The following ZRANB3 variants were observed in gnomAD, a reference collection of about 807,000 sequenced individuals.
The protein encoded by ZRANB3 is DNA annealing helicase and endonuclease ZRANB3.
In ZRANB3, 125 loss-of-function variants were observed where a neutral mutation model predicts 133.8. The observed-to-expected ratio is 0.93, with a 90% CI of 0.81 to 1.08. ZRANB3 has a LOEUF of 1.08. Among genes scored for constraint, ZRANB3 ranks in the 50% least tolerant of loss-of-function variants. The pLI, the probability that ZRANB3 is intolerant of heterozygous loss-of-function variation, is 0.00. For missense variants in ZRANB3, 1,229 were observed against 1,275.5 expected (o/e 0.96, Z 0.56); for synonymous variants, 387 against 432.7 (o/e 0.89, Z 1.31).
At chr2:135,446,461 A>T (rs1448456938) in intron 2 of ZRANB3, among the ~76,000 whole-genome samples, 1 of 152,212 alleles carries the variant, frequency 6.6e-6, no homozygotes, top group Non-Finnish European at 1.5e-5. Context: ...AATAGTTGTC[A>T]TGGAGAATGA....
intron 8 of ZRANB3, among the ~76,000 whole-genome samples, chr2:135,289,847 G>GA (rs1681596827): frequency 6.6e-6 from 1 of 152,184 alleles, no homozygotes; most frequent in South Asian, 2.1e-4. Context: ...AGGTTGTGGT[G>GA]AGTCAAGACT....
intron 3 of ZRANB3, among the ~76,000 whole-genome samples, chr2:135,380,321 C>T (rs1269596889): frequency 6.6e-6 from 1 of 152,188 alleles, no homozygotes; most frequent in African/African-American, 2.4e-5. Flanking sequence ...ACCTAATAGA[C>T]ATCTACAGAA....
intron 12 of ZRANB3, among the ~76,000 whole-genome samples, chr2:135,255,721 A>G (rs1358960711): frequency 6.6e-6 from 1 of 151,368 alleles, no homozygotes; most frequent in Non-Finnish European, 1.5e-5. Flanking sequence ...TGGTGGCATG[A>G]TGATAGTCCT....
chr2:135,224,304 T>C (rs1310340197), intron 15 of ZRANB3, 122 bp downstream of exon 15: 1 of 757,908 alleles, frequency 1.3e-6, no homozygotes. Context: ...ATTTGAGAAT[T>C]AGCTTTGAGG....
chr2:135,234,002 T>C (rs577777958), intron 12 of ZRANB3, among the ~76,000 whole-genome samples: 9 of 152,224 alleles, frequency 5.9e-5, no homozygotes, highest in South Asian at 2.1e-4. Flanking sequence ...GACTGGCAAA[T>C]TGGATAAAGA....
At chr2:135,237,097 A>T (rs1695322803) in intron 12 of ZRANB3, among the ~76,000 whole-genome samples, 1 of 152,238 alleles carries the variant, frequency 6.6e-6, no homozygotes, top group Non-Finnish European at 1.5e-5. Context: ...TTTACAAGAA[A>T]AAAACAAACA....
intron 6 of ZRANB3, among the ~76,000 whole-genome samples, chr2:135,338,142 G>A (rs927110148): frequency 3.3e-5 from 5 of 152,132 alleles, no homozygotes; most frequent in African/African-American, 1.2e-4. Context: ...GATGAATGAT[G>A]TTATTCATGT....
intron 3 of ZRANB3, among the ~76,000 whole-genome samples, chr2:135,357,829 CA>C (rs1685505733): frequency 2.0e-5 from 3 of 152,162 alleles, no homozygotes. Flanking sequence ...TCTAATTTAA[CA>C]CCAGATATCT....
chr2:135,390,158 C>T (rs1215127998), intron 3 of ZRANB3, among the ~76,000 whole-genome samples: 1 of 152,044 alleles, frequency 6.6e-6, no homozygotes, highest in Non-Finnish European at 1.5e-5. Flanking sequence ...GGATTACAGG[C>T]GTGAGCCACT....
At chr2:135,349,098 T>C (rs1325053909) in intron 5 of ZRANB3, among the ~76,000 whole-genome samples, 1 of 152,166 alleles carries the variant, frequency 6.6e-6, no homozygotes, top group Non-Finnish European at 1.5e-5. Context: ...CTATGTACTT[T>C]TATATGTATC....
intron 2 of ZRANB3, among the ~76,000 whole-genome samples, chr2:135,446,391 A>C (rs1276536048): frequency 6.6e-6 from 1 of 152,138 alleles, no homozygotes; most frequent in African/African-American, 2.4e-5. Context: ...AGTGTCATCA[A>C]CTGGGTGTTA....
chr2:135,308,038 G>C (rs1682787093), intron 8 of ZRANB3, among the ~76,000 whole-genome samples: 2 of 152,026 alleles, frequency 1.3e-5, no homozygotes, highest in South Asian at 4.2e-4. Flanking sequence ...TTCATAGTGG[G>C]GGTTGGGGGA....
chr2:135,383,006 T>A (rs566374906), intron 3 of ZRANB3, among the ~76,000 whole-genome samples: 1 of 152,260 alleles, frequency 6.6e-6, no homozygotes, highest in East Asian at 1.9e-4. Context: ...ACTTTAAATG[T>A]AAATGGGCTA....
intron 3 of ZRANB3, among the ~76,000 whole-genome samples, chr2:135,379,459 T>C (rs558175922): frequency 6.6e-6 from 1 of 152,334 alleles, no homozygotes; most frequent in South Asian, 2.1e-4. Context: ...GCTGAATCAC[T>C]CCAATTATTT....
At chr2:135,494,890 A>C (rs1692593427) in intron 2 of ZRANB3, among the ~76,000 whole-genome samples, 1 of 152,238 alleles carries the variant, frequency 6.6e-6, no homozygotes, top group East Asian at 1.9e-4. Flanking sequence ...AAAACATGCT[A>C]TAAAAGACAG....
At chr2:135,348,006 C>T (rs760956653) in intron 5 of ZRANB3, among the ~76,000 whole-genome samples, 4 of 152,074 alleles carry the variant, frequency 2.6e-5, no homozygotes, top group Non-Finnish European at 5.9e-5. Context: ...AAACTGTAAT[C>T]CCAGCACTTT....
chr2:135,511,639 T>C (rs918321363), intron 1 of ZRANB3: 1 of 778,336 alleles, frequency 1.3e-6, no homozygotes. Context: ...CAAAGCCTGG[T>C]TGTTGTTAGA....
Position 135,487,780 on chromosome 2 carries a change from G to A in ZRANB3, c.161+16549C>T, listed in dbSNP as rs183206728. ...TTTGGTATACGGGAATGTTGTGACT[G>A]GTTTGATACTCTATCCACACCACTG... On this transcript the variant is annotated intron_variant, in intron 2 of 20. Transcript: ENST00000264159. Among the ~76,000 whole-genome samples the A allele has an allele frequency of 3.0e-4, 45 of 152,298 alleles. 1 individual carries two copies. The highest frequency in any genetic ancestry group is 1.1e-3 in the African/African-American group (45 of 41,568).
chr2:135,216,087 C>CT (rs201151682), intron 17 of ZRANB3, among the ~76,000 whole-genome samples: 130 of 145,630 alleles, frequency 8.9e-4, no homozygotes, highest in East Asian at 4.6e-3. Context: ...GTCTCCATCC[C>CT]TTTTTTTTTT....
Sources: gnomAD v4.1 joint callset for allele counts (sites outside exome capture counted in the v4.1 genomes callset) on GRCh38, gnomAD v4.1.1 for gene constraint, MANE v1.5 for transcripts, NCBI Gene and HGNC (gene_info 2026-07-23, HGNC 2026-07-21) for gene names.